RYR2: variants seen among roughly 807,000 people sequenced by gnomAD.
RYR2 encodes the protein cardiac muscle ryanodine receptor-calcium release channel.
Under a neutral mutation model 601.1 loss-of-function variants are expected in RYR2, and 227 were observed. The observed-to-expected ratio is 0.38, with a 90% CI of 0.34 to 0.42. RYR2 has a LOEUF of 0.42. Among genes scored for constraint, RYR2 ranks in the 10% least tolerant of loss-of-function variants. The probability of loss-of-function intolerance (pLI) is 1.00; values close to 1 mark genes in which losing one functional copy is unlikely to be tolerated. For missense variants in RYR2, 4,646 were observed against 6,156.5 expected (o/e 0.75, Z 8.21); for synonymous variants, 2,223 against 2,175.1 (o/e 1.02, Z -0.61).
At position 237,450,365 on chromosome 1, in the gene RYR2, G is replaced by A. The variant is rs1438258652; in HGVS notation, c.1293-4026G>A. Among the ~76,000 whole-genome samples, 23 of 152,074 alleles carry A rather than the reference G, an allele frequency of 1.5e-4. 1 individual carries two copies. The highest frequency in any genetic ancestry group is 1.5e-3 in the Admixed American group (23 of 15,270). On this transcript the variant is annotated intron_variant, in intron 14 of 104. Transcript: ENST00000366574. ...ATGGAGACTGTCAGGCCACACCTGG[G>A]TTCCCTTCCTGCTCCATGGCCTGGA...
chr1:237,774,994 A>T (rs918128451), intron 87 of RYR2, among the ~76,000 whole-genome samples: 2 of 139,924 alleles, frequency 1.4e-5, no homozygotes, highest in Admixed American at 1.4e-4. Context: ...GGGTGTTGTC[A>T]TAGAACACAG....
chr1:237,612,088 A>G (rs1677941246), intron 36 of RYR2, among the ~76,000 whole-genome samples: 1 of 152,212 alleles, frequency 6.6e-6, no homozygotes, highest in Non-Finnish European at 1.5e-5. Context: ...TTGGCAATAA[A>G]AATGATTGAA....
intron 29 of RYR2, among the ~76,000 whole-genome samples, chr1:237,572,466 T>C (rs984994330): frequency 3.3e-5 from 5 of 152,178 alleles, no homozygotes; most frequent in African/African-American, 1.2e-4. Context: ...CCAATCACCA[T>C]TGCAATAATG....
chr1:237,448,012 G>A (rs75691350), intron 14 of RYR2, among the ~76,000 whole-genome samples: 4,461 of 150,346 alleles, frequency 0.03, 121 homozygotes, highest in African/African-American at 0.082. Flanking sequence ...ACTGCAACCT[G>A]CCTCCCAGGT....
intron 2 of RYR2, among the ~76,000 whole-genome samples, chr1:237,292,131 A>T (rs1421209): frequency 0.26 from 39,963 of 152,064 alleles, 5,882 homozygotes; most frequent in South Asian, 0.37. Context: ...CCAACAAGAG[A>T]TCCCTAAATG....
chr1:237,362,319 A>C (rs987616617), intron 4 of RYR2, among the ~76,000 whole-genome samples: 1 of 152,128 alleles, frequency 6.6e-6, no homozygotes, highest in Non-Finnish European at 1.5e-5. Context: ...CCCTTACTCT[A>C]TTTTGTGTAA....
At chr1:237,099,858 T>C (rs1040725784) in intron 1 of RYR2, among the ~76,000 whole-genome samples, 11 of 151,840 alleles carry the variant, frequency 7.2e-5, no homozygotes, top group African/African-American at 2.7e-4. Flanking sequence ...TTTTCACCAA[T>C]TTACAAATGT....
intron 1 of RYR2, among the ~76,000 whole-genome samples, chr1:237,112,336 A>T (rs928418059): frequency 3.3e-5 from 5 of 151,810 alleles, no homozygotes; most frequent in Non-Finnish European, 4.4e-5. Flanking sequence ...CTGGTCTCGA[A>T]CTCCTGACCT....
At position 237,106,338 on chromosome 1, in the gene RYR2, G is replaced by A. The variant is rs1438993998; in HGVS notation, c.48+63769G>A. 2.0e-5 allele frequency among the ~76,000 whole-genome samples: 3 copies of A among 152,146 alleles called. No individual in the cohort carries two copies. The highest frequency in any genetic ancestry group is 4.4e-5 in the Non-Finnish European group (3 of 68,028). On this transcript the variant is annotated intron_variant, in intron 1 of 104. Coordinates refer to ENST00000366574, the MANE Select transcript of RYR2 (RefSeq NM_001035.3). This position sits in a 1 kb window ranked among gnomAD's most constrained non-coding sequence, Gnocchi z 4.4. ...TGGCTTGCAGCACGGTGGCAGCAGG[G>A]GGAGGTGGCACCGAGCAGCAGGACC...
At chr1:237,778,857 G>C in intron 88 of RYR2, 87 bp downstream of exon 88, 1 of 656,444 alleles carries the variant, frequency 1.5e-6, no homozygotes, top group Non-Finnish European at 2.8e-6. Context: ...TTTGATGTTA[G>C]AATATTATCT....
chr1:237,503,880 G>C (rs1664926746), intron 22 of RYR2, among the ~76,000 whole-genome samples: 1 of 152,042 alleles, frequency 6.6e-6, no homozygotes, highest in Non-Finnish European at 1.5e-5. Context: ...GCTAATTTTT[G>C]TATTTTTAGT....
At chr1:237,356,179 TG>T in intron 4 of RYR2, among the ~76,000 whole-genome samples, 194 bp downstream of exon 4, 1 of 152,266 alleles carries the variant, frequency 6.6e-6, no homozygotes. Flanking sequence ...TCATCTGAAA[TG>T]GGGCATATTA....
chr1:237,454,102 T>TG (rs1387085175), intron 14 of RYR2, among the ~76,000 whole-genome samples: 1 of 152,130 alleles, frequency 6.6e-6, no homozygotes, highest in East Asian at 1.9e-4. Context: ...GAAAATCAAC[T>TG]GGTTTCTGAA....
chr1:237,245,528 C>G lies in RYR2; in HGVS notation c.49-24969C>G, dbSNP rs74147210. Among the ~76,000 whole-genome samples the G allele has an allele frequency of 4.0e-3, 615 of 152,150 alleles. 2 individuals are homozygous for G. The highest frequency in any genetic ancestry group is 0.014 in the African/African-American group (595 of 41,528). ...GCATATAAATAGAGGGAGGTTAGAGCTGTCAAAAACAAATCCTCCCCACAT... is the reference window on the plus strand; with the variant it reads ...GCATATAAATAGAGGGAGGTTAGAGGTGTCAAAAACAAATCCTCCCCACAT... On this transcript the variant is annotated intron_variant, in intron 1 of 104. Transcript: ENST00000366574.
At chr1:237,608,079 C>T (rs1677348709) in intron 35 of RYR2, among the ~76,000 whole-genome samples, 1 of 152,078 alleles carries the variant, frequency 6.6e-6, no homozygotes, top group African/African-American at 2.4e-5. Context: ...TTTTCATCAT[C>T]AAGAAATCAG....
chr1:237,586,863 G>A (rs146657526), intron 29 of RYR2, among the ~76,000 whole-genome samples: 3,269 of 152,032 alleles, frequency 0.022, 63 homozygotes, highest in Middle Eastern at 0.068. Context: ...GGGACTACAG[G>A]TGCCCACCAC....
At chr1:237,626,580 C>CTT (rs60885998) in intron 40 of RYR2, among the ~76,000 whole-genome samples, 462 of 39,988 alleles carry the variant, frequency 0.012, 109 homozygotes, top group East Asian at 0.059. Context: ...TTTTCTTTTT[C>CTT]TTTTTTTTTT....
chr1:237,408,734 C>T (rs993565582), intron 10 of RYR2, among the ~76,000 whole-genome samples: 42 of 152,140 alleles, frequency 2.8e-4, no homozygotes, highest in African/African-American at 9.9e-4. Flanking sequence ...GGGATTTTGA[C>T]TGTGATTGCT....
In RYR2 at chr1:237,801,902, G is replaced by A; in HGVS notation, c.14137G>A (p.Val4713Ile). Residue 4713 changes from valine to isoleucine, a missense_variant, in exon 98 of 105, where the codon GTT becomes ATT. This residue lies in a region of RYR2 where 76 missense variants were observed against 97.4 expected (regional missense o/e 0.78). Coordinates refer to ENST00000366574, the MANE Select transcript of RYR2 (RefSeq NM_001035.3). The part of the protein sequence containing the change: ...VKYQMWKLGV[V>I]FTDNSFLYLA... ...GTATCAGATGTGGAAACTAGGAGTC[G>A]TTTTCACTGACAACGTAAGCCTACT... 3 of 1,600,054 alleles carry A rather than the reference G, an allele frequency of 1.9e-6. No individual in the cohort carries two copies. The highest frequency in any genetic ancestry group is 1.7e-6 in the Non-Finnish European group (2 of 1,169,414).
Sources: gnomAD v4.1 joint callset for allele counts (sites outside exome capture counted in the v4.1 genomes callset) on GRCh38, gnomAD v4.1.1 for gene constraint, gnomAD v4.1.1 regional missense constraint, Gnocchi (gnomAD v3.1) non-coding constraint, MANE v1.5 for transcripts, NCBI Gene and HGNC (gene_info 2026-07-23, HGNC 2026-07-21) for gene names.